ACIN1: variants seen among roughly 807,000 people sequenced by gnomAD.
ACIN1 encodes the protein apoptotic chromatin condensation inducer 1.
In ACIN1, 16 loss-of-function variants were observed where a neutral mutation model predicts 146.6. The ratio of observed to expected loss-of-function variants is 0.11; its 90% CI spans 0.07 to 0.17. The LOEUF (loss-of-function observed/expected upper bound fraction) is 0.17. Among genes scored for constraint, ACIN1 ranks in the 10% least tolerant of loss-of-function variants. ACIN1 has a pLI of 1.00. For missense variants in ACIN1, 1,357 were observed against 1,609.3 expected (o/e 0.84, Z 2.68); for synonymous variants, 569 against 582.7 (o/e 0.98, Z 0.34).
chr14:23,094,847 TCCAGAGGCTCGCGCTGGCGG>T lies in ACIN1; in HGVS notation c.138+108_138+127del. On this transcript the variant is annotated intron_variant, in intron 1 of 18. Transcript: ENST00000605057. ...CCTCATCAACCACCGTGCGCGCGGA[TCCAGAGGCTCGCGCTGGCGG>T]CCTGAGCGAGCTCGCGCCGAGCCCG... is the stretch of plus-strand genomic sequence containing the variant. The T allele has an allele frequency of 3.7e-6, 5 of 1,335,258 alleles. No homozygotes were observed. In the East Asian group the frequency reaches 1.3e-4, roughly 34 times the overall value. The allele number at this position is 1,335,258 out of a possible 1,614,324, so 82.7% of individuals were successfully genotyped here.
chr14:23,061,487 C>G lies in ACIN1; in HGVS notation c.3235G>C (p.Glu1079Gln), dbSNP rs2139994739. Reference sequence around the variant, plus strand: ...TGTTCCCGCACTGCCCGTTCCTGCTCCCGCTGCTCTGCCCGGGGGTGCTGT... The same window carrying G: ...TGTTCCCGCACTGCCCGTTCCTGCTGCCGCTGCTCTGCCCGGGGGTGCTGT... ...PPQHPRAEQR[E>Q]QERAVREQWA... The change falls in exon 17 of 19, where the codon GAG becomes CAG. Residue 1079 changes from glutamate (E) to glutamine (Q), a missense_variant. Physicochemically the swap from Glu to Gln is conservative, Grantham distance 29. Coordinates refer to ENST00000605057, the MANE Select transcript of ACIN1 (RefSeq NM_001386863.1). 3 of 1,612,478 alleles carry G rather than the reference C, an allele frequency of 1.9e-6. No homozygotes were observed. Among genetic ancestry groups the G allele is most frequent in the Non-Finnish European group, 2.5e-6 (3 of 1,179,726 alleles).
Position 23,068,223 on chromosome 14 carries a change from T to C in ACIN1, c.2265+1253A>G, listed in dbSNP as rs1218656765. On this transcript the variant is annotated intron_variant, in intron 9 of 18. Transcript: ENST00000605057. This position sits in a 1 kb window ranked among gnomAD's most constrained non-coding sequence, Gnocchi z 4.3. The stretch of plus-strand genomic sequence containing the variant: ...GGGTCCCACTCAGTGTTTTACAGCA[T>C]GGCACTGCGATCACAAACTTTAGGA... The C allele has an allele frequency of 4.1e-6, 4 of 985,818 alleles. No homozygotes were observed. The highest frequency in any genetic ancestry group is 3.5e-5 in the African/African-American group (2 of 57,238). The allele number at this position is 985,818 out of a possible 1,614,324, so 61.1% of individuals were successfully genotyped here.
chr14:23,069,262 A>G, intron 9 of ACIN1: 1 of 1,246,850 alleles, frequency 8.0e-7, no homozygotes, highest in East Asian at 3.2e-5. Flanking sequence ...TACTTCCCCA[A>G]CAAGGAAAGG....
rs1320664641 is a variant in ACIN1 at position 23,064,439 on chromosome 14, C to T, written c.2358G>A (p.Gln786=). 6.2e-7 allele frequency: 1 copy of T among 1,614,292 alleles called. No individual in the cohort carries two copies. Among genetic ancestry groups the T allele is most frequent in the South Asian group, 1.1e-5 (1 of 91,090 alleles). ...PAGNSDTEGG[Q]PGRKRRWGAS... ...CTCCCCAGCGTCGTTTCCGACCAGG[C>T]TGGCCCCCCTCTGTGTCACTGTTTC... The change falls in exon 11 of 19, where the codon CAG becomes CAA. Residue 786 remains glutamine, a synonymous_variant. Coordinates refer to ENST00000605057, the MANE Select transcript of ACIN1 (RefSeq NM_001386863.1).
intron 18 of ACIN1, 123 bp downstream of exon 18, chr14:23,060,961 T>TA: frequency 1.1e-6 from 1 of 878,706 alleles, no homozygotes; most frequent in Non-Finnish European, 1.8e-6. Context: ...TTGTGATGCT[T>TA]AGTTTATCCT....
rs2047907783 is a variant in ACIN1, at chr14:23,080,231, T to C, written c.1104A>G (p.Pro368=). The change falls in exon 6 of 19, where the codon CCA becomes CCG. Residue 368 remains proline, a synonymous_variant. Transcript: ENST00000605057. ...CGCTATGGAGCTGTGGATGAGGTGG[T>C]GGAGAAGATGCTTCCTTTGTTAGTA... The part of the protein sequence containing the change: ...PPLLTKEASS[P]PPHPQLHSEE... 2 of 1,614,174 alleles carry C rather than the reference T, an allele frequency of 1.2e-6. No homozygotes were observed. Among genetic ancestry groups the C allele is most frequent in the Non-Finnish European group, 1.7e-6 (2 of 1,180,014 alleles).
At position 23,067,699 on chromosome 14, in the gene ACIN1, G is replaced by GA; in HGVS notation, c.2266-1692dup. On this transcript the variant is annotated intron_variant, in intron 9 of 18. Coordinates refer to ENST00000605057, the MANE Select transcript of ACIN1 (RefSeq NM_001386863.1). This position sits in a 1 kb window ranked among gnomAD's most constrained non-coding sequence, Gnocchi z 4.6. ...AGGAATGATCCTTGCCTTTTATCGT[G>GA]AGAGGCAGGCAGGACCCTATGTCCA... The GA allele has an allele frequency of 1.0e-6, 1 of 985,960 alleles. No homozygotes were observed. The highest frequency in any genetic ancestry group is 1.2e-6 in the Non-Finnish European group (1 of 830,040). 61.1% of individuals were successfully genotyped at this position (985,960 alleles called of 1,614,324 possible). A position where few individuals can be genotyped will look rare whatever the true frequency, so the allele number is the denominator to read the frequency against.
chr14:23,092,113 A>G (rs1318083489), intron 2 of ACIN1, among the ~76,000 whole-genome samples: 1 of 150,572 alleles, frequency 6.6e-6, no homozygotes, highest in South Asian at 2.1e-4. Context: ...TTTTTTTTGT[A>G]ATACAGATTC....
Position 23,067,238 on chromosome 14 carries a change from T to C in ACIN1, c.2266-1230A>G. ...AGATATAGAAAAAAATAAAATAAAA[T>C]ATTAAAAAAAGAAGAAGAAAATAAA... On this transcript the variant is annotated intron_variant, in intron 9 of 18. Coordinates refer to ENST00000605057, the MANE Select transcript of ACIN1 (RefSeq NM_001386863.1). This position sits in a 1 kb window ranked among gnomAD's most constrained non-coding sequence, Gnocchi z 4.6. The C allele has an allele frequency of 3.5e-6, 3 of 863,796 alleles. No homozygotes were observed. In the South Asian group the frequency reaches 1.6e-4, roughly 46 times the overall value. 53.5% of individuals were successfully genotyped at this position (863,796 alleles called of 1,614,324 possible).
chr14:23,064,509 C>G (rs763843211), intron 10 of ACIN1, 21 bp from the exon 11 acceptor site: 29 of 1,612,874 alleles, frequency 1.8e-5, no homozygotes, highest in Non-Finnish European at 2.1e-5. Flanking sequence ...GAAATAGACC[C>G]AACAGTTAGA....
At chr14:23,089,131 C>T (rs1416527336) in intron 4 of ACIN1, among the ~76,000 whole-genome samples, 2 of 152,162 alleles carry the variant, frequency 1.3e-5, no homozygotes, top group African/African-American at 2.4e-5. Flanking sequence ...ACCTCTGCCT[C>T]CCGGGTTCAA....
Position 23,071,361 on chromosome 14 carries a change from AGGTGGT to A in ACIN1, c.2124-1750_2124-1745del, listed in dbSNP as rs1183100833. The A allele has an allele frequency of 7.8e-5, 119 of 1,531,588 alleles. 1 individual carries two copies. The highest frequency in any genetic ancestry group is 3.5e-4 in the Middle Eastern group (2 of 5,742). 94.9% of individuals were successfully genotyped at this position (1,531,588 alleles called of 1,614,324 possible). ...TCCAAAAAATGGTAAATGGAAGGGG[AGGTGGT>A]GGTGGTGCGGGGAGGCTAAAACAGA... On this transcript the variant is annotated intron_variant, in intron 8 of 18. Coordinates refer to ENST00000605057, the MANE Select transcript of ACIN1 (RefSeq NM_001386863.1).
chr14:23,068,879 G>C lies in ACIN1; in HGVS notation c.2265+597C>G. ...CCAAGAAGACTTCGCTGGCTCTGAT[G>C]GGGGAAGCCCCCTGAAGTGGGTGCA... is the stretch of plus-strand genomic sequence containing the variant. On this transcript the variant is annotated intron_variant, in intron 9 of 18. Coordinates refer to ENST00000605057, the MANE Select transcript of ACIN1 (RefSeq NM_001386863.1). This position sits in a 1 kb window ranked among gnomAD's most constrained non-coding sequence, Gnocchi z 4.3. The C allele has an allele frequency of 1.0e-6, 1 of 985,398 alleles. No homozygotes were observed. Among genetic ancestry groups the C allele is most frequent in the Non-Finnish European group, 1.2e-6 (1 of 829,930 alleles). 61.0% of individuals were successfully genotyped at this position (985,398 alleles called of 1,614,324 possible).
intron 4 of ACIN1, among the ~76,000 whole-genome samples, chr14:23,082,217 T>C (rs1032652827): frequency 8.5e-5 from 13 of 152,184 alleles, no homozygotes; most frequent in African/African-American, 3.1e-4. Flanking sequence ...CTTCATTATG[T>C]TCTGTATCCA....
rs1480109844 is a variant in ACIN1, at chr14:23,064,336, C to T, written c.2442+19G>A. 6.2e-7 allele frequency: 1 copy of T among 1,614,148 alleles called. No homozygotes were observed. Among genetic ancestry groups the T allele is most frequent in the East Asian group, 2.2e-5 (1 of 44,880 alleles). Reference sequence around the variant, plus strand: ...CTTAACAGGTCTCATCCTCCCTTCCCTGGCTCCTCCCACCTCACCTTTAGT... The same window carrying T: ...CTTAACAGGTCTCATCCTCCCTTCCTTGGCTCCTCCCACCTCACCTTTAGT... On this transcript the variant is annotated intron_variant, in intron 11 of 18. Coordinates refer to ENST00000605057, the MANE Select transcript of ACIN1 (RefSeq NM_001386863.1).
chr14:23,071,098 G>A (rs1354564905), intron 8 of ACIN1: 1 of 1,547,924 alleles, frequency 6.5e-7, no homozygotes, highest in South Asian at 1.2e-5. Context: ...CGGGGAAAAG[G>A]CATACATGGA....
At chr14:23,061,971 C>CAAAAA (rs57962360) in intron 16 of ACIN1, among the ~76,000 whole-genome samples, 197 bp downstream of exon 16, 3,185 of 59,066 alleles carry the variant, frequency 0.054, 148 homozygotes, top group South Asian at 0.1. Flanking sequence ...GACTCTGTCT[C>CAAAAA]AAAAAAAAAA....
intron 4 of ACIN1, among the ~76,000 whole-genome samples, chr14:23,082,865 G>T (rs558954535): frequency 6.7e-4 from 101 of 151,134 alleles, no homozygotes; most frequent in African/African-American, 2.3e-3. Context: ...TCAGCCTACC[G>T]GGCAGCTGGG....
rs201666168 is a variant in ACIN1 at position 23,079,940 on chromosome 14, G to C, written c.1395C>G (p.Asp465Glu). 6.2e-7 allele frequency: 1 copy of C among 1,614,118 alleles called. No individual in the cohort carries two copies. The highest frequency in any genetic ancestry group is 8.5e-7 in the Non-Finnish European group (1 of 1,180,032). ...TTAGAGGGAGGGGCTGAGCAGATCT[G>C]TCTGACTCAGGTTCAAGATCCTTCT... ...SAQKDLEPES[D>E]RSAQPLPLKI... The change falls in exon 6 of 19, where the codon GAC (aspartate) becomes GAG (glutamate). Residue 465 changes from aspartate (D) to glutamate (E), a missense_variant. By Grantham distance (45) the Asp-to-Glu change is conservative (BLOSUM62 2). This residue lies in a region of ACIN1 where 771 missense variants were observed against 746.6 expected (regional missense o/e 1.03). Transcript: ENST00000605057.
Sources: allele counts gnomAD v4.1 joint callset (sites outside exome capture counted in the v4.1 genomes callset), GRCh38; gene constraint gnomAD v4.1.1; regional missense constraint gnomAD v4.1.1; non-coding constraint Gnocchi (gnomAD v3.1); transcripts MANE v1.5; gene names NCBI Gene and HGNC (gene_info 2026-07-23, HGNC 2026-07-21).